The following HTRA1 variants were observed in gnomAD, a reference collection of about 807,000 sequenced individuals.
The protein encoded by HTRA1 is serine protease HTRA1.
HTRA1 carries 26 observed loss-of-function variants against 49.7 expected under a neutral mutation model. That is an observed-to-expected ratio of 0.52 (90% CI 0.38 to 0.73). The LOEUF is 0.73. Among genes scored for constraint, HTRA1 ranks in the 30% least tolerant of loss-of-function variants. The probability of loss-of-function intolerance (pLI) is 0.00; values close to 1 mark genes in which losing one functional copy is unlikely to be tolerated. For synonymous variants in HTRA1, 291 were observed against 286.9 expected, an observed-to-expected ratio of 1.01 and a Z score of -0.14; for missense variants, 561 against 667.2, an observed-to-expected ratio of 0.84 and a Z score of 1.75.
chr10:122,507,459 T>A (rs1249809433), intron 5 of HTRA1, 57 bp downstream of exon 5: 2 of 1,301,098 alleles, frequency 1.5e-6, no homozygotes, highest in African/African-American at 3.5e-5. Flanking sequence ...ATACGCTGTT[T>A]TTTGTTTGTT....
intron 3 of HTRA1, among the ~76,000 whole-genome samples, chr10:122,504,301 T>G (rs1402764386): frequency 6.6e-6 from 1 of 152,218 alleles, no homozygotes; most frequent in African/African-American, 2.4e-5. Context: ...TCAGTCTCTC[T>G]GCCTTCTGAG....
In HTRA1 at chr10:122,512,735, A is replaced by G. The variant is rs2097506197; in HGVS notation, c.1274+670A>G. On this transcript the variant is annotated intron_variant, in intron 8 of 8. Coordinates refer to ENST00000368984, the MANE Select transcript of HTRA1 (RefSeq NM_002775.5). ...TATTTTCATAGGTTTTTGGGGGAAC[A>G]GGTGGTATTTGGTTACATGAGTAAG... Among the ~76,000 whole-genome samples the G allele has an allele frequency of 2.6e-5, 4 of 152,062 alleles. No individual in the cohort carries two copies. The South Asian group carries it at 8.3e-4, about 32-fold the overall frequency.
At chr10:122,499,495 C>T (rs1412003636) in intron 3 of HTRA1, among the ~76,000 whole-genome samples, 1 of 152,124 alleles carries the variant, frequency 6.6e-6, no homozygotes, top group East Asian at 1.9e-4. Context: ...CTGGTCCTGC[C>T]CCCTAGTAGC....
chr10:122,482,174 A>G (rs1413582454), intron 1 of HTRA1, among the ~76,000 whole-genome samples: 1 of 152,196 alleles, frequency 6.6e-6, no homozygotes, highest in Non-Finnish European at 1.5e-5. Flanking sequence ...TCATTATTCA[A>G]TAAGCATGAT....
At chr10:122,484,847 A>G (rs2097492437) in intron 1 of HTRA1, among the ~76,000 whole-genome samples, 1 of 152,202 alleles carries the variant, frequency 6.6e-6, no homozygotes. Context: ...GGAAACAGAA[A>G]GAAGGAGCAG....
chr10:122,469,964 G>A (rs896143240), intron 1 of HTRA1, among the ~76,000 whole-genome samples: 1 of 152,056 alleles, frequency 6.6e-6, no homozygotes, highest in African/African-American at 2.4e-5. Flanking sequence ...ATTCTATTAC[G>A]TTTGTTAGGG....
chr10:122,471,472 T>G (rs2097486122), intron 1 of HTRA1, among the ~76,000 whole-genome samples: 1 of 152,232 alleles, frequency 6.6e-6, no homozygotes, highest in African/African-American at 2.4e-5. Context: ...CACACCCATC[T>G]CTGACCACAT....
At chr10:122,492,461 G>A (rs2097496317) in intron 3 of HTRA1, among the ~76,000 whole-genome samples, 1 of 152,078 alleles carries the variant, frequency 6.6e-6, no homozygotes, top group South Asian at 2.1e-4. Flanking sequence ...AGCCTCCTGA[G>A]TGGCTGGGAC....
chr10:122,471,342 G>A (rs117532575), intron 1 of HTRA1, among the ~76,000 whole-genome samples: 29 of 152,294 alleles, frequency 1.9e-4, no homozygotes, highest in East Asian at 1.2e-3. Context: ...CCTGGATATC[G>A]TTCTGTCTGT....
chr10:122,473,153 AG>A (rs1218866983), intron 1 of HTRA1, among the ~76,000 whole-genome samples: 1 of 152,146 alleles, frequency 6.6e-6, no homozygotes, highest in East Asian at 1.9e-4. Context: ...TAGAATAACG[AG>A]CACTTTTAAA....
intron 1 of HTRA1, among the ~76,000 whole-genome samples, chr10:122,475,940 C>G (rs570690048): frequency 1.3e-5 from 2 of 152,306 alleles, no homozygotes; most frequent in East Asian, 3.9e-4. Context: ...TGGAGCGGGC[C>G]AGACAGCATG....
At chr10:122,503,950 G>C (rs1395071138) in intron 3 of HTRA1, among the ~76,000 whole-genome samples, 1 of 152,212 alleles carries the variant, frequency 6.6e-6, no homozygotes, top group East Asian at 1.9e-4. Flanking sequence ...CCTCGTCTGT[G>C]TTCAGGTGAG....
At position 122,510,150 on chromosome 10, in the gene HTRA1, CCAGGTGGGTAAA is replaced by C. The variant is rs777723440; in HGVS notation, c.1178+2_1178+13del. On this transcript the variant is annotated splice_donor_variant and splice_donor_5th_base_variant and coding_sequence_variant and intron_variant, in exon 7 of 9. Coordinates refer to ENST00000368984, the MANE Select transcript of HTRA1 (RefSeq NM_002775.5). LOFTEE classifies it high-confidence loss of function. Reference sequence around the variant, plus strand: ...GGTATCCGAATGATGTCACTCACGTCCAGGTGGGTAAACAGGATGCGTGTCTGTGTCTTAAAT... The same window carrying C: ...GGTATCCGAATGATGTCACTCACGTCCAGGATGCGTGTCTGTGTCTTAAAT... 6.2e-7 allele frequency: 1 copy of C among 1,613,316 alleles called. No homozygotes were observed. The highest frequency in any genetic ancestry group is 1.1e-5 in the South Asian group (1 of 91,056).
chr10:122,492,516 T>C (rs1220900389), intron 3 of HTRA1, among the ~76,000 whole-genome samples: 1 of 152,116 alleles, frequency 6.6e-6, no homozygotes, highest in East Asian at 1.9e-4. Context: ...GTATTTTTAG[T>C]AGAGACCGGG....
chr10:122,495,107 C>T (rs1337746378), intron 3 of HTRA1, among the ~76,000 whole-genome samples: 1 of 152,164 alleles, frequency 6.6e-6, no homozygotes, highest in African/African-American at 2.4e-5. Flanking sequence ...AATCAGAGAA[C>T]ACAGGGCCTG....
chr10:122,468,586 G>A (rs547839145), intron 1 of HTRA1, among the ~76,000 whole-genome samples: 6 of 152,094 alleles, frequency 3.9e-5, no homozygotes, highest in African/African-American at 1.2e-4. Flanking sequence ...GAGCTGACTC[G>A]GAATTTGCCA....
chr10:122,504,164 T>C (rs1284128356), intron 3 of HTRA1, among the ~76,000 whole-genome samples: 1 of 152,158 alleles, frequency 6.6e-6, no homozygotes, highest in Non-Finnish European at 1.5e-5. Flanking sequence ...GCCTGCAGCC[T>C]CCATCCCTGC....
chr10:122,500,539 A>G (rs935590338), intron 3 of HTRA1, among the ~76,000 whole-genome samples: 1 of 152,196 alleles, frequency 6.6e-6, no homozygotes, highest in Non-Finnish European at 1.5e-5. Context: ...ATATAGGACC[A>G]AGACCCAGCC....
rs1554948193 is a variant in HTRA1 at position 122,461,620 on chromosome 10, T to TCCG, written c.-27_-25dup. On this transcript the variant is annotated 5_prime_UTR_variant, in exon 1 of 9. Transcript: ENST00000368984. Reference sequence around the variant, plus strand: ...GCGCCGCTCTCCGGCCCTCGCCCTGTCCGCCGCCACCGCCGCCGCCGCCAG... The same window carrying TCCG: ...GCGCCGCTCTCCGGCCCTCGCCCTGTCCGCCGCCGCCACCGCCGCCGCCGCCAG... 2 of 1,262,216 alleles carry TCCG rather than the reference T, an allele frequency of 1.6e-6. No homozygotes were observed. The highest frequency in any genetic ancestry group is 2.1e-6 in the Non-Finnish European group (2 of 974,512). The allele number at this position is 1,262,216 out of a possible 1,614,324, so 78.2% of individuals were successfully genotyped here.
Sources: gnomAD v4.1 joint callset for allele counts (sites outside exome capture counted in the v4.1 genomes callset) on GRCh38, gnomAD v4.1.1 for gene constraint, MANE v1.5 for transcripts, NCBI Gene and HGNC (gene_info 2026-07-23, HGNC 2026-07-21) for gene names.